The following SYBU variants were observed in gnomAD, a reference collection of about 807,000 sequenced individuals.
SYBU encodes the protein syntabulin, also known as GOLSYN A protein.
SYBU carries 21 observed loss-of-function variants against 35.9 expected under a neutral mutation model. The ratio of observed to expected loss-of-function variants is 0.58; its 90% CI spans 0.41 to 0.84. The LOEUF is 0.84. SYBU is among the 40% of genes least tolerant of loss of function. The probability of loss-of-function intolerance (pLI) is 0.00; values close to 1 mark genes in which losing one functional copy is unlikely to be tolerated. For missense variants in SYBU, 768 were observed against 848.2 expected (o/e 0.91, Z 1.17); for synonymous variants, 319 against 324.3 (o/e 0.98, Z 0.18).
intron 1 of SYBU, among the ~76,000 whole-genome samples, chr8:109,654,958 G>A (rs773159962): frequency 3.9e-5 from 6 of 151,944 alleles, no homozygotes; most frequent in African/African-American, 1.5e-4. Flanking sequence ...CACTTGTCCC[G>A]TTCAGTTCAT....
chr8:109,648,373 G>A (rs1177381632), upstream of SYBU, among the ~76,000 whole-genome samples: 4 of 150,426 alleles, frequency 2.7e-5, no homozygotes, highest in African/African-American at 7.3e-5. Context: ...CTCAAATCTG[G>A]GATAAGTTAC....
At chr8:109,655,708 T>G (rs1816326885) in intron 1 of SYBU, among the ~76,000 whole-genome samples, 1 of 152,218 alleles carries the variant, frequency 6.6e-6, no homozygotes, top group South Asian at 2.1e-4. Context: ...CAATTCTAAG[T>G]GAGAATTTAT....
intron 3 of SYBU, among the ~76,000 whole-genome samples, chr8:109,594,502 A>G (rs1554613974): frequency 6.6e-6 from 1 of 151,904 alleles, no homozygotes; most frequent in African/African-American, 2.4e-5. Context: ...CCCTAAAATA[A>G]TTTTTTTTAA....
intron 3 of SYBU, among the ~76,000 whole-genome samples, chr8:109,600,436 G>T (rs917783780): frequency 6.6e-6 from 1 of 152,152 alleles, no homozygotes; most frequent in Non-Finnish European, 1.5e-5. Flanking sequence ...TAACTGCAAA[G>T]ACCTCTGTCT....
rs969492523 is a variant in SYBU at position 109,691,345 on chromosome 8, AG to A, written c.-71del. The A allele has an allele frequency of 8.5e-6, 6 of 701,886 alleles. No homozygotes were observed. The African/African-American group carries it at 1.1e-4, about 12-fold the overall frequency. 43.5% of individuals were successfully genotyped at this position (701,886 alleles called of 1,614,324 possible). ...GCCCCGGTCTTACCCTTTCTCGCCC[AG>A]AAGGGCCCCATCGCGCTGTCCAGGA... On this transcript the variant is annotated 5_prime_UTR_variant, in exon 1 of 8. Transcript: ENST00000422135. This position sits in a 1 kb window ranked among gnomAD's most constrained non-coding sequence, Gnocchi z 4.7.
chr8:109,622,809 G>T (rs1346630928), intron 2 of SYBU, among the ~76,000 whole-genome samples: 2 of 151,860 alleles, frequency 1.3e-5, no homozygotes, highest in Non-Finnish European at 2.9e-5. Flanking sequence ...TTTCTAATAT[G>T]AGAAAACTGT....
chr8:109,685,406 T>C (rs1817497818), upstream of SYBU, among the ~76,000 whole-genome samples: 1 of 152,242 alleles, frequency 6.6e-6, no homozygotes, highest in Admixed American at 6.5e-5. Flanking sequence ...TAGCTCTTTT[T>C]GCACTTATTC....
At chr8:109,612,882 A>T (rs755897431) in intron 3 of SYBU, among the ~76,000 whole-genome samples, 50 of 150,970 alleles carry the variant, frequency 3.3e-4, no homozygotes, top group Admixed American at 3.2e-3. Context: ...TGGGAGGCTG[A>T]GAAGGGAGAA....
chr8:109,611,947 G>A (rs1290117670), intron 3 of SYBU, among the ~76,000 whole-genome samples: 1 of 152,054 alleles, frequency 6.6e-6, no homozygotes, highest in Non-Finnish European at 1.5e-5. Context: ...GGAATTTTTA[G>A]GGCTCTACCA....
chr8:109,577,603 C>A (rs1488636150), intron 6 of SYBU, among the ~76,000 whole-genome samples: 1 of 152,016 alleles, frequency 6.6e-6, no homozygotes, highest in African/African-American at 2.4e-5. Context: ...AAGCTGTATA[C>A]ACTGCAAAAC....
chr8:109,596,478 C>G (rs1824891484), intron 3 of SYBU, among the ~76,000 whole-genome samples: 1 of 152,176 alleles, frequency 6.6e-6, no homozygotes, highest in African/African-American at 2.4e-5. Context: ...TATCTTATCC[C>G]CTGTTCACCA....
chr8:109,603,482 T>C lies in SYBU; in HGVS notation c.427+15360A>G, dbSNP rs531300933. On this transcript the variant is annotated intron_variant, in intron 3 of 6. Transcript: ENST00000276646. Reference sequence around the variant, plus strand: ...AGCACATGTTCCCAGGCCAACCCTTTGCTTGCCCAGCTACTCTGCCCCACC... The same window carrying C: ...AGCACATGTTCCCAGGCCAACCCTTCGCTTGCCCAGCTACTCTGCCCCACC... The C allele has an allele frequency of 2.5e-4, 213 of 858,340 alleles. No homozygotes were observed. In the African/African-American group the frequency reaches 3.7e-3, roughly 15 times the overall value. 53.2% of individuals were successfully genotyped at this position (858,340 alleles called of 1,614,324 possible).
rs944316581 is a variant in SYBU at position 109,574,909 on chromosome 8, G to C, written c.1989C>G (p.Thr663=). The C allele has an allele frequency of 6.6e-7, 1 of 1,514,074 alleles. No individual in the cohort carries two copies. The highest frequency in any genetic ancestry group is 1.4e-5 in the African/African-American group (1 of 71,592). 93.8% of individuals were successfully genotyped at this position (1,514,074 alleles called of 1,614,324 possible). A position where few individuals can be genotyped will look rare whatever the true frequency, so the allele number is the denominator to read the frequency against. ...SLRRTAFRIK[T] is the part of the protein sequence containing the mutation. ...ACACGGTAACAACAACTTCTATTTA[G>C]GTTTTGATACGGAAGGCGGTGCGGC... Residue 663 remains threonine, a synonymous_variant, in exon 7 of 7, where the codon ACC becomes ACG. Coordinates refer to ENST00000276646, the MANE Select transcript of SYBU (RefSeq NM_001099754.2).
chr8:109,634,011 G>T lies in SYBU; in HGVS notation c.229+8717C>A, dbSNP rs150551693. Among the ~76,000 whole-genome samples the T allele has an allele frequency of 3.3e-3, 510 of 152,252 alleles. 3 individuals are homozygous for T. The highest frequency in any genetic ancestry group is 0.011 in the African/African-American group (455 of 41,564). ...GGCTTCCCAAAGTGCTGGGATTACA[G>T]GTGTGAGCCACTGCAACTGGATATA... On this transcript the variant is annotated intron_variant, in intron 2 of 6. Transcript: ENST00000276646.
intron 1 of SYBU, among the ~76,000 whole-genome samples, chr8:109,673,090 C>T (rs747288738): frequency 6.6e-6 from 1 of 152,178 alleles, no homozygotes; most frequent in South Asian, 2.1e-4. Context: ...GGGGAAGGGG[C>T]GGCTGTGGAC....
upstream of SYBU, among the ~76,000 whole-genome samples, chr8:109,684,117 CA>C (rs1292543538): frequency 2.6e-5 from 4 of 152,150 alleles, no homozygotes; most frequent in Non-Finnish European, 4.4e-5. Context: ...CAAGGAAAAT[CA>C]GATTGTCTTT....
chr8:109,656,619 A>G (rs1816367489), intron 1 of SYBU, among the ~76,000 whole-genome samples: 1 of 152,240 alleles, frequency 6.6e-6, no homozygotes, highest in Admixed American at 6.5e-5. Flanking sequence ...TTACGCTTTT[A>G]CTAATTGTAA....
chr8:109,620,873 T>A (rs1213177286), intron 2 of SYBU, among the ~76,000 whole-genome samples: 5 of 152,152 alleles, frequency 3.3e-5, no homozygotes, highest in Non-Finnish European at 7.4e-5. Flanking sequence ...GGTGTAAAGT[T>A]GCTAATTACT....
chr8:109,633,213 G>C (rs1813835207), intron 2 of SYBU, among the ~76,000 whole-genome samples: 1 of 152,152 alleles, frequency 6.6e-6, no homozygotes, highest in Non-Finnish European at 1.5e-5. Flanking sequence ...ATCAATAGAA[G>C]GGTAGCCTAA....
Sources: allele counts gnomAD v4.1 joint callset (sites outside exome capture counted in the v4.1 genomes callset), GRCh38; gene constraint gnomAD v4.1.1; non-coding constraint Gnocchi (gnomAD v3.1); transcripts MANE v1.5; gene names NCBI Gene and HGNC (gene_info 2026-07-23, HGNC 2026-07-21).